TMEM200A: variants seen among roughly 807,000 people sequenced by gnomAD.
TMEM200A encodes the protein two transmembrane C.
In TMEM200A, 12 loss-of-function variants were observed where a neutral mutation model predicts 24.3. That is an observed-to-expected ratio of 0.49 (90% CI 0.32 to 0.80). TMEM200A has a LOEUF of 0.80. Ranked by LOEUF, TMEM200A falls within the 30% of genes least tolerant of loss-of-function variation. The probability of loss-of-function intolerance (pLI) is 0.04; values close to 1 mark genes in which losing one functional copy is unlikely to be tolerated. For synonymous variants in TMEM200A, 224 were observed against 224.4 expected, an observed-to-expected ratio of 1.00 and a Z score of 0.02; for missense variants, 545 against 614.4, an observed-to-expected ratio of 0.89 and a Z score of 1.19.
intron 1 of TMEM200A, among the ~76,000 whole-genome samples, chr6:130,372,849 G>A (rs961943403): frequency 1.3e-5 from 2 of 152,144 alleles, no homozygotes; most frequent in African/African-American, 2.4e-5. Context: ...TAGCCTATTC[G>A]GAGAGGTAAA....
At chr6:130,368,162 A>T (rs2115060104) in intron 1 of TMEM200A, among the ~76,000 whole-genome samples, 1 of 152,344 alleles carries the variant, frequency 6.6e-6, no homozygotes, top group East Asian at 1.9e-4. Flanking sequence ...TTAGATTGTT[A>T]TATTTGGACT....
Position 130,441,954 on chromosome 6 carries a change from G to C in TMEM200A, c.*56G>C, listed in dbSNP as rs114664311. The C allele has an allele frequency of 5.7e-4, 833 of 1,470,986 alleles. 4 individuals are homozygous for C. The African/African-American group carries it at 9.4e-3, about 17-fold the overall frequency. The allele number at this position is 1,470,986 out of a possible 1,614,324, so 91.1% of individuals were successfully genotyped here. On this transcript the variant is annotated 3_prime_UTR_variant, in exon 3 of 3. Coordinates refer to ENST00000296978, the MANE Select transcript of TMEM200A (RefSeq NM_001258277.2). ...ATATATTTTAAAACGATTTTCACTGGTGTTTCCTTCTTAAAGTATTGGCTG... is the reference window on the plus strand; with the variant it reads ...ATATATTTTAAAACGATTTTCACTGCTGTTTCCTTCTTAAAGTATTGGCTG...
chr6:130,404,466 A>G (rs1341308353), intron 2 of TMEM200A, among the ~76,000 whole-genome samples: 3 of 152,130 alleles, frequency 2.0e-5, no homozygotes, highest in Non-Finnish European at 4.4e-5. Flanking sequence ...GGCTGCATGT[A>G]TGTCTTATTT....
rs377186266 is a variant in TMEM200A, at chr6:130,428,902, C to A, written c.-16-11505C>A. On this transcript the variant is annotated intron_variant, in intron 2 of 2. Coordinates refer to ENST00000296978, the MANE Select transcript of TMEM200A (RefSeq NM_001258277.2). Reference sequence around the variant, plus strand: ...AATCAGTAGCCTTCCTACATTCAAACAACTACTTGAAGATAGAAATGGGAG... The same window carrying A: ...AATCAGTAGCCTTCCTACATTCAAAAAACTACTTGAAGATAGAAATGGGAG... Among the ~76,000 whole-genome samples the A allele has an allele frequency of 3.8e-4, 58 of 152,142 alleles. No individual in the cohort carries two copies. In the South Asian group the frequency reaches 0.012, roughly 30 times the overall value.
At chr6:130,396,047 A>G (rs1305245993) in intron 2 of TMEM200A, among the ~76,000 whole-genome samples, 1 of 152,236 alleles carries the variant, frequency 6.6e-6, no homozygotes, top group East Asian at 1.9e-4. Flanking sequence ...GACATACTTT[A>G]GTTATAAACT....
chr6:130,394,548 A>G (rs1778906335), intron 2 of TMEM200A, among the ~76,000 whole-genome samples: 1 of 152,136 alleles, frequency 6.6e-6, no homozygotes, highest in South Asian at 2.1e-4. Flanking sequence ...TCTTACTTCC[A>G]ATTACCAGTT....
chr6:130,384,658 T>G (rs1434447890), intron 1 of TMEM200A, among the ~76,000 whole-genome samples: 1 of 152,226 alleles, frequency 6.6e-6, no homozygotes, highest in African/African-American at 2.4e-5. Flanking sequence ...TTAATTCTTG[T>G]GACACTTCAA....
chr6:130,430,856 G>A (rs560114195), intron 2 of TMEM200A, among the ~76,000 whole-genome samples: 1 of 152,130 alleles, frequency 6.6e-6, no homozygotes. Flanking sequence ...TCTAATGTTT[G>A]TATAGAATTT....
intron 2 of TMEM200A, among the ~76,000 whole-genome samples, chr6:130,390,875 C>G (rs1225308107): frequency 6.6e-6 from 1 of 152,200 alleles, no homozygotes; most frequent in Non-Finnish European, 1.5e-5. Flanking sequence ...TAGGGTTTCT[C>G]AACCTCTACA....
intron 1 of TMEM200A, among the ~76,000 whole-genome samples, chr6:130,378,737 A>G (rs1778526783): frequency 6.6e-6 from 1 of 152,018 alleles, no homozygotes; most frequent in African/African-American, 2.4e-5. Flanking sequence ...AAAAAAAAAA[A>G]AAAAAGATCT....
At chr6:130,430,019 C>G (rs1422207164) in intron 2 of TMEM200A, among the ~76,000 whole-genome samples, 1 of 152,168 alleles carries the variant, frequency 6.6e-6, no homozygotes, top group African/African-American at 2.4e-5. Flanking sequence ...TTTTGTACTG[C>G]TGGGTTTTTA....
rs76287882 is a variant in TMEM200A at position 130,385,044 on chromosome 6, G to A, written c.-80-129G>A. 2.6e-5 allele frequency: 4 copies of A among 152,334 alleles called. No individual in the cohort carries two copies. In the East Asian group the frequency reaches 7.7e-4, roughly 29 times the overall value. The allele number at this position is 152,334 out of a possible 1,614,324, so 9.4% of individuals were successfully genotyped here. Reference sequence around the variant, plus strand: ...CTAATATATTCTTTTGGATATAAATGTGGAAGAAAGTAGTCAGACAGAAAA... The same window carrying A: ...CTAATATATTCTTTTGGATATAAATATGGAAGAAAGTAGTCAGACAGAAAA... On this transcript the variant is annotated intron_variant, in intron 1 of 2. Coordinates refer to ENST00000296978, the MANE Select transcript of TMEM200A (RefSeq NM_001258277.2).
At chr6:130,400,584 C>T (rs933904712) in intron 2 of TMEM200A, among the ~76,000 whole-genome samples, 3 of 151,336 alleles carry the variant, frequency 2.0e-5, no homozygotes, top group Non-Finnish European at 4.4e-5. Context: ...CCCTGAGTTA[C>T]AGTTGTTTCA....
At chr6:130,371,500 C>A (rs1459850604) in intron 1 of TMEM200A, among the ~76,000 whole-genome samples, 5 of 152,024 alleles carry the variant, frequency 3.3e-5, no homozygotes, top group African/African-American at 1.2e-4. Flanking sequence ...TGTATCAGGC[C>A]AAACTGAAGG....
intron 2 of TMEM200A, among the ~76,000 whole-genome samples, chr6:130,421,842 T>G (rs1779599269): frequency 6.6e-6 from 1 of 152,170 alleles, no homozygotes. Flanking sequence ...GATTGACTCA[T>G]GTTGCCACAA....
intron 1 of TMEM200A, chr6:130,383,060 C>T (rs1176031352): frequency 1.0e-6 from 1 of 985,340 alleles, no homozygotes; most frequent in Non-Finnish European, 1.2e-6. Context: ...TGTGACTCCT[C>T]CTCATGGCCT....
chr6:130,431,984 G>A (rs1369496655), intron 2 of TMEM200A, among the ~76,000 whole-genome samples: 1 of 152,166 alleles, frequency 6.6e-6, no homozygotes, highest in Non-Finnish European at 1.5e-5. Context: ...GCATTCAAGT[G>A]AATGTAGAAC....
chr6:130,415,070 T>C (rs568658983), intron 2 of TMEM200A, among the ~76,000 whole-genome samples: 1 of 152,260 alleles, frequency 6.6e-6, no homozygotes, highest in South Asian at 2.1e-4. Flanking sequence ...GTTTTGTAGA[T>C]AATCTACCCC....
intron 2 of TMEM200A, among the ~76,000 whole-genome samples, chr6:130,414,290 GGT>G (rs1583210928): frequency 6.6e-6 from 1 of 151,900 alleles, no homozygotes; most frequent in East Asian, 1.9e-4. Flanking sequence ...AAATTAGCTG[GGT>G]GTGGTGTTGG....
Sources: allele counts gnomAD v4.1 joint callset (sites outside exome capture counted in the v4.1 genomes callset), GRCh38; gene constraint gnomAD v4.1.1; transcripts MANE v1.5; gene names NCBI Gene and HGNC (gene_info 2026-07-23, HGNC 2026-07-21).